Variants in USP15 observed in about 807,000 individuals in gnomAD.
USP15 encodes the protein ubiquitin carboxyl-terminal hydrolase 15.
USP15 carries 18 observed loss-of-function variants against 127.1 expected under a neutral mutation model. The ratio of observed to expected loss-of-function variants is 0.14; its 90% CI spans 0.10 to 0.21. USP15 has a LOEUF of 0.21. Among genes scored for constraint, USP15 ranks in the 10% least tolerant of loss-of-function variants. The pLI, the probability that USP15 is intolerant of heterozygous loss-of-function variation, is 1.00. For missense variants in USP15, 805 were observed against 1,159.9 expected, an observed-to-expected ratio of 0.69 and a Z score of 4.44; for synonymous variants, 364 against 393.7, an observed-to-expected ratio of 0.92 and a Z score of 0.89.
At chr12:62,392,502 A>T in intron 18 of USP15, 115 bp downstream of exon 18, 1 of 728,164 alleles carries the variant, frequency 1.4e-6, no homozygotes. Flanking sequence ...TTTAAATAGT[A>T]AAGGATTCTT....
intron 1 of USP15, among the ~76,000 whole-genome samples, chr12:62,270,375 AT>A (rs2137048362): frequency 6.6e-6 from 1 of 152,024 alleles, no homozygotes; most frequent in African/African-American, 2.4e-5. Context: ...TTGAAATTCA[AT>A]TTGCCTGTTT....
intron 20 of USP15, among the ~76,000 whole-genome samples, chr12:62,400,517 T>C (rs958709949): frequency 3.3e-5 from 5 of 151,586 alleles, no homozygotes; most frequent in Admixed American, 2.6e-4. Flanking sequence ...TCCTCAAATA[T>C]GTTTGATCTG....
chr12:62,318,913 A>G (rs2064908050), intron 4 of USP15, among the ~76,000 whole-genome samples: 2 of 152,200 alleles, frequency 1.3e-5, no homozygotes, highest in African/African-American at 4.8e-5. Context: ...ATTTATTCTC[A>G]GTCAGACCAC....
At position 62,389,605 on chromosome 12, in the gene USP15, A is replaced by G. The variant is rs1473503140; in HGVS notation, c.1558A>G (p.Met520Val). ...SALSGIPADKMIVTDIYNHRF... is the reference protein window; with the variant it reads ...SALSGIPADKVIVTDIYNHRF... ...TTAATAGAAATTCGTTTCCTTTTAG[A>G]TGATAGTTACTGATATATACAATCA... The change falls in exon 13 of 22, where the codon ATG (methionine) becomes GTG (valine). Residue 520 changes from methionine (M) to valine (V), a missense_variant and splice_region_variant. By Grantham distance (21) the Met-to-Val change is conservative. Transcript: ENST00000280377. The G allele has an allele frequency of 6.2e-7, 1 of 1,611,812 alleles. No homozygotes were observed. The highest frequency in any genetic ancestry group is 8.5e-7 in the Non-Finnish European group (1 of 1,178,932).
chr12:62,295,138 C>G (rs999137707), intron 2 of USP15, among the ~76,000 whole-genome samples: 10 of 152,110 alleles, frequency 6.6e-5, no homozygotes, highest in South Asian at 2.1e-4. Context: ...GACCTAGACC[C>G]CCCCCCATAG....
Position 62,381,479 on chromosome 12 carries a change from AT to A in USP15, c.916-5del. 1 of 1,571,924 alleles carries A rather than the reference AT, an allele frequency of 6.4e-7. No homozygotes were observed. On this transcript the variant is annotated splice_polypyrimidine_tract_variant and intron_variant, in intron 8 of 21. Transcript: ENST00000280377. ...TTACTTTTACTTGAAAATATATTTTATTTTTTGCAGTGTTTGAGCAACACAC... is the reference window on the plus strand; with the variant it reads ...TTACTTTTACTTGAAAATATATTTTATTTTTGCAGTGTTTGAGCAACACAC...
chr12:62,276,544 T>TTATATGAGATATCACTCATATAAAATCA lies in USP15; in HGVS notation c.89+16053_89+16080dup, dbSNP rs1220189925. 4.3e-4 allele frequency among the ~76,000 whole-genome samples: 66 copies of TTATATGAGATATCACTCATATAAAATCA among 152,150 alleles called. 2 individuals are homozygous for TTATATGAGATATCACTCATATAAAATCA. Among genetic ancestry groups the TTATATGAGATATCACTCATATAAAATCA allele is most frequent in the Admixed American group, 1.1e-3 (17 of 15,250 alleles). Reference sequence around the variant, plus strand: ...ATCTGTCCTTTATGTGCTTTTCCTTTTATATGAGATATCACTCATATAAAA... The same window carrying TTATATGAGATATCACTCATATAAAATCA: ...ATCTGTCCTTTATGTGCTTTTCCTTTTATATGAGATATCACTCATATAAAATCATATATGAGATATCACTCATATAAAA... On this transcript the variant is annotated intron_variant, in intron 1 of 21. Coordinates refer to ENST00000280377, the MANE Select transcript of USP15 (RefSeq NM_001252078.2).
intron 8 of USP15, among the ~76,000 whole-genome samples, chr12:62,366,100 T>C (rs1425321319): frequency 6.6e-6 from 1 of 152,204 alleles, no homozygotes; most frequent in East Asian, 1.9e-4. Flanking sequence ...AAAGTCAGTG[T>C]AGCTTGATGG....
rs941406732 is a variant in USP15, at chr12:62,409,126, A to G, written c.*4751A>G. On this transcript the variant is annotated 3_prime_UTR_variant, in exon 22 of 22. Transcript: ENST00000280377. The stretch of plus-strand genomic sequence containing the variant: ...ATAATATAAAACAGACAGTTCAAAA[A>G]TTATTTTTGGAAAATATATGCATCG... 6.6e-6 allele frequency: 1 copy of G among 152,186 alleles called. No homozygotes were observed. The highest frequency in any genetic ancestry group is 1.5e-5 in the Non-Finnish European group (1 of 68,016). The allele number at this position is 152,186 out of a possible 1,614,324, so 9.4% of individuals were successfully genotyped here.
intron 8 of USP15, among the ~76,000 whole-genome samples, chr12:62,376,533 C>G (rs1205453970): frequency 1.3e-5 from 2 of 152,094 alleles, no homozygotes; most frequent in Non-Finnish European, 2.9e-5. Flanking sequence ...TTGTTAATGT[C>G]AGGCAGTTGA....
chr12:62,298,343 G>T (rs2064198160), intron 2 of USP15, among the ~76,000 whole-genome samples: 1 of 151,872 alleles, frequency 6.6e-6, no homozygotes. Flanking sequence ...TGGGCAACAT[G>T]GTGAAACCTT....
At chr12:62,298,370 CA>C (rs1355196760) in intron 2 of USP15, among the ~76,000 whole-genome samples, 13 of 151,302 alleles carry the variant, frequency 8.6e-5, no homozygotes, top group Admixed American at 2.0e-4. Flanking sequence ...AGAATAAATA[CA>C]AAAAAAATAA....
chr12:62,407,708 CT>C lies in USP15; in HGVS notation c.*3336del, dbSNP rs1385968769. The C allele has an allele frequency of 6.6e-6, 1 of 151,756 alleles. No homozygotes were observed. Among genetic ancestry groups the C allele is most frequent in the African/African-American group, 2.4e-5 (1 of 41,346 alleles). 9.4% of individuals were successfully genotyped at this position (151,756 alleles called of 1,614,324 possible). A position where few individuals can be genotyped will look rare whatever the true frequency, so the allele number is the denominator to read the frequency against. On this transcript the variant is annotated 3_prime_UTR_variant, in exon 22 of 22. Coordinates refer to ENST00000280377, the MANE Select transcript of USP15 (RefSeq NM_001252078.2). The stretch of plus-strand genomic sequence containing the variant: ...CCAAATGCAACCCTGAATTTCAGGA[CT>C]TTGTAAACTCTACTCTAGTTTTGCT...
intron 6 of USP15, chr12:62,334,323 T>G (rs1017688058): frequency 6.6e-6 from 1 of 152,216 alleles, no homozygotes; most frequent in African/African-American, 2.4e-5. Context: ...CATAATTGGC[T>G]GAAAAAATTA....
chr12:62,343,019 C>G lies in USP15; in HGVS notation c.684-6202C>G, dbSNP rs371906433. 2.6e-5 allele frequency among the ~76,000 whole-genome samples: 4 copies of G among 152,182 alleles called. No homozygotes were observed. In the East Asian group the frequency reaches 7.7e-4, roughly 29 times the overall value. On this transcript the variant is annotated intron_variant, in intron 6 of 21. Transcript: ENST00000280377. The stretch of plus-strand genomic sequence containing the variant: ...AGTCCACTGAAGCTACACCCACAGC[C>G]GTCCCTCCCCCCAGTGTCTCTGTCC...
chr12:62,378,606 A>C (rs1255683476), intron 8 of USP15, among the ~76,000 whole-genome samples: 2 of 152,098 alleles, frequency 1.3e-5, no homozygotes, highest in African/African-American at 2.4e-5. Context: ...CTGTGAAAAT[A>C]AATGCTGGTC....
intron 7 of USP15, among the ~76,000 whole-genome samples, chr12:62,354,841 T>C (rs2066069638): frequency 6.6e-6 from 1 of 152,002 alleles, no homozygotes; most frequent in Non-Finnish European, 1.5e-5. Flanking sequence ...GAATCTTCAG[T>C]GCATCATAAC....
intron 4 of USP15, among the ~76,000 whole-genome samples, chr12:62,319,959 G>C (rs1216781021): frequency 2.0e-5 from 3 of 152,016 alleles, no homozygotes; most frequent in Non-Finnish European, 4.4e-5. Flanking sequence ...CTCTTTCTAG[G>C]TAATGTTTTG....
At chr12:62,280,586 T>C (rs2063620572) in intron 1 of USP15, among the ~76,000 whole-genome samples, 1 of 152,136 alleles carries the variant, frequency 6.6e-6, no homozygotes, top group Non-Finnish European at 1.5e-5. Flanking sequence ...AAGGCATAAA[T>C]TCCATTCGTG....
Sources: gnomAD v4.1 joint callset for allele counts (sites outside exome capture counted in the v4.1 genomes callset) on GRCh38, gnomAD v4.1.1 for gene constraint, MANE v1.5 for transcripts, NCBI Gene and HGNC (gene_info 2026-07-23, HGNC 2026-07-21) for gene names.